The following PTPRM variants were observed in gnomAD, a reference collection of about 807,000 sequenced individuals.
PTPRM encodes the protein protein tyrosine phosphatase receptor type M.
PTPRM carries 47 observed loss-of-function variants against 186.7 expected under a neutral mutation model. The ratio of observed to expected loss-of-function variants is 0.25; its 90% CI spans 0.20 to 0.32. PTPRM has a LOEUF of 0.32. Ranked by LOEUF, PTPRM falls within the 10% of genes least tolerant of loss-of-function variation. PTPRM has a pLI of 1.00. For missense variants in PTPRM, 1,494 were observed against 1,865.0 expected (o/e 0.80, Z 3.66); for synonymous variants, 668 against 674.9 (o/e 0.99, Z 0.16).
intron 22 of PTPRM, among the ~76,000 whole-genome samples, chr18:8,337,100 T>G (rs62089900): frequency 6.6e-5 from 10 of 152,220 alleles, no homozygotes; most frequent in Non-Finnish European, 1.5e-4. Flanking sequence ...GGCAGAGTCC[T>G]TATAGATATT....
chr18:7,877,171 C>G (rs569388206), intron 2 of PTPRM, among the ~76,000 whole-genome samples: 14 of 151,852 alleles, frequency 9.2e-5, no homozygotes, highest in African/African-American at 3.4e-4. Flanking sequence ...TTATTGTATC[C>G]TTTTGCTCTT....
intron 13 of PTPRM, among the ~76,000 whole-genome samples, chr18:8,121,057 C>T (rs371972585): frequency 1.3e-4 from 20 of 152,222 alleles, no homozygotes; most frequent in Admixed American, 1.1e-3. Flanking sequence ...CTCTGTAATG[C>T]GTTAATGCAC....
At chr18:8,062,930 C>T (rs1263531053) in intron 7 of PTPRM, among the ~76,000 whole-genome samples, 1 of 145,998 alleles carries the variant, frequency 6.8e-6, no homozygotes, top group African/African-American at 2.6e-5. Flanking sequence ...TGCCCTGCCC[C>T]CAGAGGTGGA....
chr18:7,934,138 C>G (rs1775039587), intron 5 of PTPRM, among the ~76,000 whole-genome samples: 1 of 152,112 alleles, frequency 6.6e-6, no homozygotes, highest in African/African-American at 2.4e-5. Flanking sequence ...GGATATTCCA[C>G]TTGAGTTTGC....
intron 1 of PTPRM, among the ~76,000 whole-genome samples, chr18:7,748,465 C>T (rs1188026040): frequency 6.6e-6 from 1 of 152,104 alleles, no homozygotes; most frequent in Non-Finnish European, 1.5e-5. Flanking sequence ...GGAGCCCCCT[C>T]CTGACAGTGA....
At chr18:7,902,960 C>T (rs1452224162) in intron 3 of PTPRM, among the ~76,000 whole-genome samples, 2 of 151,802 alleles carry the variant, frequency 1.3e-5, no homozygotes, top group Non-Finnish European at 2.9e-5. Context: ...CACACGAGCA[C>T]GTCTCACATG....
At chr18:8,188,778 G>A (rs919686910) in intron 14 of PTPRM, among the ~76,000 whole-genome samples, 8 of 152,108 alleles carry the variant, frequency 5.3e-5, no homozygotes, top group Admixed American at 4.6e-4. Flanking sequence ...GTGTGTTGGG[G>A]GTGGGGGAGT....
chr18:7,835,503 T>G (rs1411958663), intron 2 of PTPRM, among the ~76,000 whole-genome samples: 1 of 152,146 alleles, frequency 6.6e-6, no homozygotes, highest in Non-Finnish European at 1.5e-5. Context: ...TAACATATGG[T>G]CTCTCCTTGA....
intron 1 of PTPRM, among the ~76,000 whole-genome samples, chr18:7,588,458 A>G (rs536555745): frequency 6.6e-6 from 1 of 152,312 alleles, no homozygotes; most frequent in East Asian, 1.9e-4. Flanking sequence ...GATTTTAATG[A>G]TCTTACTTTA....
At chr18:8,004,399 A>C (rs551636097) in intron 7 of PTPRM, among the ~76,000 whole-genome samples, 1 of 152,052 alleles carries the variant, frequency 6.6e-6, no homozygotes, top group African/African-American at 2.4e-5. Context: ...GGCAATTCAA[A>C]TGGATAACAT....
At chr18:7,704,559 T>C (rs658523) in intron 1 of PTPRM, among the ~76,000 whole-genome samples, 89,206 of 151,852 alleles carry the variant, frequency 0.59, 27,205 homozygotes, top group East Asian at 0.99. Flanking sequence ...TGATTCTTCT[T>C]TCTTCTTTAT....
intron 13 of PTPRM, among the ~76,000 whole-genome samples, chr18:8,138,542 C>T (rs913432229): frequency 6.6e-6 from 1 of 152,108 alleles, no homozygotes; most frequent in Non-Finnish European, 1.5e-5. Context: ...GGTCCTCAGT[C>T]TCCCCTCATC....
At chr18:8,249,013 C>T (rs982190595) in intron 17 of PTPRM, among the ~76,000 whole-genome samples, 4 of 152,154 alleles carry the variant, frequency 2.6e-5, no homozygotes, top group African/African-American at 4.8e-5. Flanking sequence ...GCATTTGAGA[C>T]GCATAAATAA....
At chr18:8,368,224 G>A (rs960648929) in intron 23 of PTPRM, among the ~76,000 whole-genome samples, 2 of 150,980 alleles carry the variant, frequency 1.3e-5, no homozygotes, top group African/African-American at 2.4e-5. Flanking sequence ...TTGCTAACTG[G>A]CATCGTGAAA....
intron 23 of PTPRM, among the ~76,000 whole-genome samples, chr18:8,354,825 A>G (rs2095555301): frequency 6.6e-6 from 1 of 152,224 alleles, no homozygotes; most frequent in Admixed American, 6.5e-5. Context: ...CTAAGTGTGC[A>G]GCAAAGATGC....
intron 19 of PTPRM, among the ~76,000 whole-genome samples, chr18:8,272,461 A>G (rs1352682984): frequency 3.9e-5 from 6 of 151,972 alleles, no homozygotes; most frequent in African/African-American, 1.4e-4. Flanking sequence ...ATTTTCCTCT[A>G]AGTAACACTT....
intron 14 of PTPRM, among the ~76,000 whole-genome samples, chr18:8,177,961 C>T (rs1348846303): frequency 6.6e-6 from 1 of 152,154 alleles, no homozygotes; most frequent in Non-Finnish European, 1.5e-5. Flanking sequence ...TGCACATGCT[C>T]ACTTAAGACA....
At chr18:7,671,987 C>T (rs1252431217) in intron 1 of PTPRM, among the ~76,000 whole-genome samples, 2 of 152,194 alleles carry the variant, frequency 1.3e-5, no homozygotes, top group African/African-American at 4.8e-5. Flanking sequence ...GAATCTCCCT[C>T]CTCAAAGCAT....
intron 7 of PTPRM, among the ~76,000 whole-genome samples, chr18:7,999,670 A>G (rs576979288): frequency 6.6e-6 from 1 of 151,912 alleles, no homozygotes; most frequent in Non-Finnish European, 1.5e-5. Context: ...CCAACCTAAT[A>G]TAATGTGTTG....
Sources: allele counts gnomAD v4.1 joint callset (sites outside exome capture counted in the v4.1 genomes callset), GRCh38; gene constraint gnomAD v4.1.1; transcripts MANE v1.5; gene names NCBI Gene and HGNC (gene_info 2026-07-23, HGNC 2026-07-21).